Variants in SULT2B1 observed in about 807,000 individuals in gnomAD.
The protein encoded by SULT2B1 is sulfotransferase 2B1.
Under a neutral mutation model 33.2 loss-of-function variants are expected in SULT2B1, and 16 were observed. That is an observed-to-expected ratio of 0.48 (90% CI 0.33 to 0.73). The LOEUF is 0.73. Among genes scored for constraint, SULT2B1 ranks in the 30% least tolerant of loss-of-function variants. SULT2B1 has a pLI of 0.02. For synonymous variants in SULT2B1, 186 were observed against 200.5 expected (o/e 0.93, Z 0.61); for missense variants, 500 against 506.0 (o/e 0.99, Z 0.11).
rs138329742 is a variant in SULT2B1 at position 48,592,257 on chromosome 19, A to C, written c.551-465A>C. Among the ~76,000 whole-genome samples, 1,256 of 152,228 alleles carry C rather than the reference A, an allele frequency of 8.3e-3. 17 individuals carry two copies. Among genetic ancestry groups the C allele is most frequent in the African/African-American group, 0.028 (1,178 of 41,542 alleles). On this transcript the variant is annotated intron_variant, in intron 4 of 6. Coordinates refer to ENST00000201586, the MANE Select transcript of SULT2B1 (RefSeq NM_177973.2). The stretch of plus-strand genomic sequence containing the variant: ...CAGTGAGCCAAGATCGTGCCACTGC[A>C]CTCCAGCCTGGGCGACAGAGTGAGA...
intron 1 of SULT2B1, among the ~76,000 whole-genome samples, chr19:48,554,620 C>A (rs534296398): frequency 3.8e-4 from 54 of 140,682 alleles, no homozygotes; most frequent in Non-Finnish European, 7.1e-4. Flanking sequence ...CCCGCCCCCC[C>A]AGCCTCCTCA....
At chr19:48,592,377 CAGG>C (rs1973654414) in intron 4 of SULT2B1, among the ~76,000 whole-genome samples, 1 of 152,128 alleles carries the variant, frequency 6.6e-6, no homozygotes, top group African/African-American at 2.4e-5. Flanking sequence ...GACAAGGAAA[CAGG>C]AGGAGACAGG....
At chr19:48,560,443 G>T (rs1973160892) in intron 1 of SULT2B1, among the ~76,000 whole-genome samples, 1 of 151,702 alleles carries the variant, frequency 6.6e-6, no homozygotes, top group Admixed American at 6.6e-5. Context: ...GCTTGGAACT[G>T]CAGTCAGAGG....
intron 2 of SULT2B1, among the ~76,000 whole-genome samples, chr19:48,576,359 C>CTTTTCTTTCTTTCTTTTTTTTTTTTT: frequency 3.1e-5 from 3 of 96,716 alleles, no homozygotes; most frequent in African/African-American, 4.3e-5. Flanking sequence ...CTCTACTTCT[C>CTTTTCTTTCTTTCTTTTTTTTTTTTT]TTTTTTTTTT....
chr19:48,569,192 A>C lies in SULT2B1; in HGVS notation c.72-6749A>C, dbSNP rs546823464. ...CCTGTCTCTACTAAAAATACAAAAAATTAGCAGGGCGTGGTGGCGGGCGCC... is the reference window on the plus strand; with the variant it reads ...CCTGTCTCTACTAAAAATACAAAAACTTAGCAGGGCGTGGTGGCGGGCGCC... On this transcript the variant is annotated intron_variant, in intron 1 of 6. Transcript: ENST00000201586. 3.4e-3 allele frequency among the ~76,000 whole-genome samples: 507 copies of C among 151,264 alleles called. 6 individuals are homozygous for C. The highest frequency in any genetic ancestry group is 0.012 in the African/African-American group (490 of 41,278).
chr19:48,587,368 C>A lies in SULT2B1; in HGVS notation c.354C>A (p.Ser118Arg). The A allele has an allele frequency of 1.2e-6, 2 of 1,614,108 alleles. No individual in the cohort carries two copies. The highest frequency in any genetic ancestry group is 1.7e-6 in the Non-Finnish European group (2 of 1,180,018). Residue 118 changes from serine (S) to arginine (R), a missense_variant, in exon 3 of 7, where the codon AGC (serine) becomes AGA (arginine). By Grantham distance (110) the Ser-to-Arg change is moderately radical. Transcript: ENST00000201586. Reference sequence around the variant, plus strand: ...CCTTCAGCCTCCCGGACCAGTACAGCCCCCGCCTCATGAGCTCCCATCTTC... The same window carrying A: ...CCTTCAGCCTCCCGGACCAGTACAGACCCCGCCTCATGAGCTCCCATCTTC... ...VGAFSLPDQY[S>R]PRLMSSHLPI...
At chr19:48,563,008 G>A (rs1973200590) in intron 1 of SULT2B1, among the ~76,000 whole-genome samples, 2 of 151,588 alleles carry the variant, frequency 1.3e-5, no homozygotes, top group Admixed American at 1.3e-4. Context: ...AAGTGTGCAG[G>A]AATTGGCAAG....
intron 2 of SULT2B1, among the ~76,000 whole-genome samples, chr19:48,580,250 G>A (rs565192007): frequency 7.9e-5 from 12 of 151,154 alleles, no homozygotes; most frequent in African/African-American, 2.7e-4. Context: ...AAGTTCTTAC[G>A]TGGACATATG....
In SULT2B1 at chr19:48,599,144, G is replaced by A. The variant is rs1231266026; in HGVS notation, c.836G>A (p.Gly279Asp). The part of the protein sequence containing the change: ...RGAFLRKGVC[G>D]DWKNHFTVAQ... ...GCCCCCTCTTCTCCAGGGGTCTGCG[G>A]CGACTGGAAGAACCACTTCACGGTG... Residue 279 changes from glycine to aspartate, a missense_variant, in exon 7 of 7, where the codon GGC becomes GAC. Transcript: ENST00000201586. This position sits in a 1 kb window ranked among gnomAD's most constrained non-coding sequence, Gnocchi z 4.1. The A allele has an allele frequency of 1.3e-6, 2 of 1,582,622 alleles. No homozygotes were observed. The highest frequency in any genetic ancestry group is 1.3e-5 in the African/African-American group (1 of 74,280).
At chr19:48,572,957 G>A (rs1021491377) in intron 1 of SULT2B1, among the ~76,000 whole-genome samples, 1 of 152,076 alleles carries the variant, frequency 6.6e-6, no homozygotes, top group African/African-American at 2.4e-5. Flanking sequence ...AGGAGTTTGA[G>A]ACCAGCCTGG....
At chr19:48,559,166 C>T (rs988896912) in intron 1 of SULT2B1, among the ~76,000 whole-genome samples, 7 of 152,104 alleles carry the variant, frequency 4.6e-5, no homozygotes, top group Non-Finnish European at 1.0e-4. Context: ...CGGTTCCCTC[C>T]TTCTCCACCC....
chr19:48,589,198 G>A (rs2147623947), intron 3 of SULT2B1, among the ~76,000 whole-genome samples: 1 of 152,292 alleles, frequency 6.6e-6, no homozygotes, highest in South Asian at 2.1e-4. Flanking sequence ...TTTTGAAGGT[G>A]AGACCGGGAG....
rs1439371386 is a variant in SULT2B1 at position 48,576,363 on chromosome 19, T to TCTTTC, written c.214+280_214+281insCTTTC. Among the ~76,000 whole-genome samples the TCTTTC allele has an allele frequency of 6.8e-4, 80 of 116,934 alleles. 1 individual carries two copies. Among genetic ancestry groups the TCTTTC allele is most frequent in the South Asian group, 1.2e-3 (4 of 3,264 alleles). 76.7% of individuals were successfully genotyped at this position (116,934 alleles called of 152,430 possible). ...TCCCCTTTACCCTCTACTTCTCTTT[T>TCTTTC]TTTTTTTTTTTTTTGTAGAGATGGG... On this transcript the variant is annotated intron_variant, in intron 2 of 6. Transcript: ENST00000201586.
chr19:48,587,118 A>T (rs73944833), intron 2 of SULT2B1, 111 bp from the exon 3 acceptor site: 13 of 841,654 alleles, frequency 1.5e-5, no homozygotes, highest in Admixed American at 5.0e-5. Flanking sequence ...TCTTAAAAAA[A>T]AATAATAAAA....
intron 6 of SULT2B1, among the ~76,000 whole-genome samples, chr19:48,597,377 G>A (rs1973733405): frequency 1.5e-5 from 2 of 130,720 alleles, no homozygotes; most frequent in Middle Eastern, 4.5e-3. Flanking sequence ...TCGCTCTGTC[G>A]CCCAGGCTGG....
At chr19:48,556,422 C>G (rs1973100650) in intron 1 of SULT2B1, among the ~76,000 whole-genome samples, 1 of 151,984 alleles carries the variant, frequency 6.6e-6, no homozygotes, top group African/African-American at 2.4e-5. Context: ...TCAGGGTTAG[C>G]AGACGGGGAG....
intron 6 of SULT2B1, among the ~76,000 whole-genome samples, chr19:48,598,675 A>T (rs967952923): frequency 1.3e-5 from 2 of 152,130 alleles, no homozygotes; most frequent in African/African-American, 4.8e-5. Context: ...CCCTGAGCAC[A>T]GAGCCTGCAG....
At chr19:48,598,418 G>A (rs1973750683) in intron 6 of SULT2B1, among the ~76,000 whole-genome samples, 1 of 151,946 alleles carries the variant, frequency 6.6e-6, no homozygotes, top group Non-Finnish European at 1.5e-5. Context: ...ATGGTTAAAC[G>A]CCATCTCTAC....
At chr19:48,574,849 T>G (rs1033749722) in intron 1 of SULT2B1, among the ~76,000 whole-genome samples, 4 of 152,120 alleles carry the variant, frequency 2.6e-5, no homozygotes, top group Non-Finnish European at 5.9e-5. Flanking sequence ...CTGGACTAAA[T>G]TTGCCTGGTA....
Sources: gnomAD v4.1 joint callset for allele counts (sites outside exome capture counted in the v4.1 genomes callset) on GRCh38, gnomAD v4.1.1 for gene constraint, Gnocchi (gnomAD v3.1) non-coding constraint, MANE v1.5 for transcripts, NCBI Gene and HGNC (gene_info 2026-07-23, HGNC 2026-07-21) for gene names.